DDX43: variants seen among roughly 807,000 people sequenced by gnomAD.
The protein encoded by DDX43 is probable ATP-dependent RNA helicase DDX43.
A neutral mutation model predicts 84.9 loss-of-function variants in DDX43; 50 were observed. The ratio of observed to expected loss-of-function variants is 0.59; its 90% confidence interval spans 0.47 to 0.75. The LOEUF (loss-of-function observed/expected upper bound fraction) is 0.75. Among genes scored for constraint, DDX43 ranks in the 30% least tolerant of loss-of-function variants. DDX43 has a pLI of 0.00. For missense variants in DDX43, 689 were observed against 798.6 expected (o/e 0.86, Z 1.65); for synonymous variants, 291 against 266.3 (o/e 1.09, Z -0.90).
chr6:73,397,622 A>T (rs1769497457), intron 1 of DDX43, 67 bp from the exon 2 acceptor site: 1 of 1,289,704 alleles, frequency 7.8e-7, no homozygotes, highest in Admixed American at 1.7e-5. Flanking sequence ...TTGTTGAGGA[A>T]AATGGGTAAA....
Position 73,404,768 on chromosome 6 carries a change from G to A in DDX43, c.647G>A (p.Trp216Ter). 6.2e-7 allele frequency: 1 copy of A among 1,611,162 alleles called. No individual in the cohort carries two copies. Among genetic ancestry groups the A allele is most frequent in the Non-Finnish European group, 8.5e-7 (1 of 1,178,366 alleles). The stretch of plus-strand genomic sequence containing the variant: ...ATGTCAAAAGTAGAAGCAGATAGTT[G>A]GAGGTGGGTAGTTTCATTACCTAGT... ...SAMSKVEADS[W>*]RKENFNITWD... is the part of the protein sequence containing the mutation. Residue 216 changes from tryptophan to a stop codon, truncating the protein, a stop_gained, in exon 5 of 17, where the codon TGG becomes TAG. Coordinates refer to ENST00000370336, the MANE Select transcript of DDX43 (RefSeq NM_018665.3). LOFTEE classifies it high-confidence loss of function.
chr6:73,395,078 C>T lies in DDX43; in HGVS notation c.173C>T (p.Pro58Leu), dbSNP rs1057216355. Residue 58 changes from proline (P) to leucine (L), a missense_variant, in exon 1 of 17, where the codon CCG becomes CTG. By Grantham distance (98) the Pro-to-Leu change is moderately conservative. Around this residue, in one of 2 missense-constraint regions of DDX43, gnomAD observed 137 missense variants for 105.9 expected, o/e 1.29. Transcript: ENST00000370336. ...CGCTGGAGAGGCACCTCTAGGCCCCCGGAGGCCGTGGCCGCTGGTCACGAG... is the reference window on the plus strand; with the variant it reads ...CGCTGGAGAGGCACCTCTAGGCCCCTGGAGGCCGTGGCCGCTGGTCACGAG... ...GGRWRGTSRPPEAVAAGHEEL... is the reference protein window; with the variant it reads ...GGRWRGTSRPLEAVAAGHEEL... 28 of 1,614,028 alleles carry T rather than the reference C, an allele frequency of 1.7e-5. 1 individual carries two copies. Among genetic ancestry groups the T allele is most frequent in the African/African-American group, 5.3e-5 (4 of 74,924 alleles).
rs766622101 is a variant in DDX43 at position 73,395,074 on chromosome 6, C to G, written c.169C>G (p.Pro57Ala). ...RGGRWRGTSR[P>A]PEAVAAGHEE... Reference sequence around the variant, plus strand: ...TGGTCGCTGGAGAGGCACCTCTAGGCCCCCGGAGGCCGTGGCCGCTGGTCA... The same window carrying G: ...TGGTCGCTGGAGAGGCACCTCTAGGGCCCCGGAGGCCGTGGCCGCTGGTCA... The change falls in exon 1 of 17, where the codon CCC (proline) becomes GCC (alanine). Residue 57 changes from proline (P) to alanine (A), a missense_variant. Transcript: ENST00000370336. 2 of 1,614,132 alleles carry G rather than the reference C, an allele frequency of 1.2e-6. No individual in the cohort carries two copies. Among genetic ancestry groups the G allele is most frequent in the Admixed American group, 1.7e-5 (1 of 60,014 alleles).
chr6:73,400,344 C>A lies in DDX43; in HGVS notation c.417C>A (p.Tyr139Ter), dbSNP rs1462065594. 6.2e-7 allele frequency: 1 copy of A among 1,606,812 alleles called. No homozygotes were observed. Among genetic ancestry groups the A allele is most frequent in the African/African-American group, 1.3e-5 (1 of 74,700 alleles). The change falls in exon 3 of 17, where the codon TAC (tyrosine) becomes TAA (stop). Residue 139 changes from tyrosine (Y) to a stop codon, truncating the protein, a stop_gained. Coordinates refer to ENST00000370336, the MANE Select transcript of DDX43 (RefSeq NM_018665.3). LOFTEE classifies it high-confidence loss of function. ...DNFVKKLEEN[Y>*]NSECGIDTAF... Reference sequence around the variant, plus strand: ...TTGTTAAAAAGCTAGAAGAAAATTACAATTCAGAATGCGGAATTGGTAAGT... The same window carrying A: ...TTGTTAAAAAGCTAGAAGAAAATTAAAATTCAGAATGCGGAATTGGTAAGT...
rs143921512 is a variant in DDX43, at chr6:73,413,353, C to T, written c.1369-305C>T. Among the ~76,000 whole-genome samples, 408 of 152,090 alleles carry T rather than the reference C, an allele frequency of 2.7e-3. 2 individuals are homozygous for T. Among genetic ancestry groups the T allele is most frequent in the Middle Eastern group, 0.01 (3 of 294 alleles). On this transcript the variant is annotated intron_variant, in intron 11 of 16. Coordinates refer to ENST00000370336, the MANE Select transcript of DDX43 (RefSeq NM_018665.3). ...TTTTATAAAATGGTTAGCGACATTG[C>T]GCCACTGCACTCCAGCCCTGGCGAC... is the stretch of plus-strand genomic sequence containing the variant.
intron 1 of DDX43, 149 bp from the exon 2 acceptor site, chr6:73,397,540 T>A: frequency 1.6e-6 from 1 of 634,100 alleles, no homozygotes; most frequent in Non-Finnish European, 2.7e-6. Flanking sequence ...TAGAACCTCT[T>A]ACTTCCCTCT....
At chr6:73,412,690 T>TGC (rs1223544745) in intron 11 of DDX43, among the ~76,000 whole-genome samples, 19 of 114,050 alleles carry the variant, frequency 1.7e-4, no homozygotes, top group East Asian at 2.9e-4. Context: ...TGTGTGTGTG[T>TGC]GCGCGTGCGT....
intron 3 of DDX43, among the ~76,000 whole-genome samples, 185 bp downstream of exon 3, chr6:73,400,548 A>G (rs1425578354): frequency 6.6e-6 from 1 of 152,210 alleles, no homozygotes; most frequent in African/African-American, 2.4e-5. Context: ...CCAGAGCTCT[A>G]TGTTCATGCC....
intron 8 of DDX43, 47 bp downstream of exon 8, chr6:73,407,662 C>T (rs773371242): frequency 7.8e-7 from 1 of 1,285,870 alleles, no homozygotes; most frequent in South Asian, 1.2e-5. Flanking sequence ...ATATTTTAAT[C>T]ATTTGTAGCT....
Position 73,394,883 on chromosome 6 carries a change from C to A in DDX43, c.-23C>A. The A allele has an allele frequency of 6.2e-7, 1 of 1,611,946 alleles. No individual in the cohort carries two copies. The highest frequency in any genetic ancestry group is 8.5e-7 in the Non-Finnish European group (1 of 1,178,704). ...GTGCAGAGCTGGACGGCAACGACGT[C>A]GGACGCGCCCCTTCTTGGAACAATG... is the stretch of plus-strand genomic sequence containing the variant. On this transcript the variant is annotated 5_prime_UTR_variant, in exon 1 of 17. Transcript: ENST00000370336.
At chr6:73,399,379 G>A (rs767598530) in intron 2 of DDX43, among the ~76,000 whole-genome samples, 22 of 152,266 alleles carry the variant, frequency 1.4e-4, no homozygotes, top group Admixed American at 3.3e-4. Flanking sequence ...TCTCTCCAGT[G>A]TCCTCTCCCC....
chr6:73,411,013 C>T (rs1769775117), intron 10 of DDX43, among the ~76,000 whole-genome samples: 3 of 151,622 alleles, frequency 2.0e-5, no homozygotes, highest in South Asian at 2.1e-4. Context: ...GGTGAAACCC[C>T]GTCTCTACTA....
At chr6:73,397,875 A>G (rs1402357138) in intron 2 of DDX43, 131 bp downstream of exon 2, 3 of 699,736 alleles carry the variant, frequency 4.3e-6, no homozygotes, top group Non-Finnish European at 7.2e-6. Flanking sequence ...TGATATCAGT[A>G]CAACCTCTGC....
intron 2 of DDX43, among the ~76,000 whole-genome samples, chr6:73,398,877 A>G (rs1769518970): frequency 6.6e-6 from 1 of 152,188 alleles, no homozygotes. Context: ...TGCCTTCCCC[A>G]CTAACTGTAT....
At chr6:73,398,326 A>C (rs189780444) in intron 2 of DDX43, among the ~76,000 whole-genome samples, 89 of 152,220 alleles carry the variant, frequency 5.8e-4, no homozygotes, top group African/African-American at 2.1e-3. Flanking sequence ...ATCTTGGGTC[A>C]CTGCAACCTC....
chr6:73,411,023 A>G (rs1769775274), intron 10 of DDX43, among the ~76,000 whole-genome samples: 1 of 151,744 alleles, frequency 6.6e-6, no homozygotes, highest in East Asian at 2.0e-4. Context: ...CGTCTCTACT[A>G]AATTTACCCG....
intron 3 of DDX43, among the ~76,000 whole-genome samples, chr6:73,400,760 A>G (rs966105747): frequency 6.6e-6 from 1 of 152,170 alleles, no homozygotes; most frequent in East Asian, 1.9e-4. Context: ...CATGGCTGAC[A>G]TTGAAAACTG....
chr6:73,413,349 A>G (rs533574278), intron 11 of DDX43, among the ~76,000 whole-genome samples: 65 of 152,282 alleles, frequency 4.3e-4, no homozygotes, highest in Non-Finnish European at 8.8e-4. Context: ...GGTTAGCGAC[A>G]TTGCGCCACT....
At chr6:73,407,262 C>T (rs770561982) in intron 7 of DDX43, among the ~76,000 whole-genome samples, 1 of 152,070 alleles carries the variant, frequency 6.6e-6, no homozygotes, top group African/African-American at 2.4e-5. Context: ...GGATTACAGG[C>T]GCCTGCTGCC....
Sources: gnomAD v4.1 joint callset for allele counts (sites outside exome capture counted in the v4.1 genomes callset) on GRCh38, gnomAD v4.1.1 for gene constraint, gnomAD v4.1.1 regional missense constraint, MANE v1.5 for transcripts, NCBI Gene and HGNC (gene_info 2026-07-23, HGNC 2026-07-21) for gene names.